Variants in HS3ST3A1 observed in about 807,000 individuals in gnomAD.
HS3ST3A1 encodes heparan sulfate glucosamine 3-O-sulfotransferase 3A1.
A neutral mutation model predicts 25.7 loss-of-function variants in HS3ST3A1; 19 were observed. The observed-to-expected ratio is 0.74, with a 90% CI of 0.52 to 1.08. The LOEUF (loss-of-function observed/expected upper bound fraction) is 1.08. Ranked by LOEUF, HS3ST3A1 falls within the 50% of genes least tolerant of loss-of-function variation. The pLI is 0.00. For missense variants in HS3ST3A1, 459 were observed against 594.3 expected (o/e 0.77, Z 2.37); for synonymous variants, 226 against 278.6 (o/e 0.81, Z 1.88).
In HS3ST3A1 at chr17:13,593,951, G is replaced by A. The variant is rs569134944; in HGVS notation, c.599+6580C>T. Among the ~76,000 whole-genome samples the A allele has an allele frequency of 4.3e-4, 66 of 152,226 alleles. 1 individual carries two copies. The highest frequency in any genetic ancestry group is 1.3e-3 in the African/African-American group (53 of 41,546). Reference sequence around the variant, plus strand: ...CCAGGATCCGACCAAGGGCACCCTCGTGTTTACTTGTTAGTAATGACTCAC... The same window carrying A: ...CCAGGATCCGACCAAGGGCACCCTCATGTTTACTTGTTAGTAATGACTCAC... On this transcript the variant is annotated intron_variant, in intron 1 of 1. Transcript: ENST00000284110.
At chr17:13,582,212 C>T (rs917772730) in intron 1 of HS3ST3A1, among the ~76,000 whole-genome samples, 6 of 151,994 alleles carry the variant, frequency 3.9e-5, no homozygotes, top group African/African-American at 9.7e-5. Context: ...AAATTTTTAG[C>T]GGCCTTGGGG....
At chr17:13,530,787 G>A (rs1212328547) in intron 1 of HS3ST3A1, among the ~76,000 whole-genome samples, 2 of 152,138 alleles carry the variant, frequency 1.3e-5, no homozygotes, top group Admixed American at 1.3e-4. Context: ...TCAGTTTTCT[G>A]TATGTGGCTT....
intron 1 of HS3ST3A1, among the ~76,000 whole-genome samples, chr17:13,580,609 T>C (rs1287072279): frequency 6.6e-6 from 1 of 152,154 alleles, no homozygotes; most frequent in Non-Finnish European, 1.5e-5. Flanking sequence ...ACACACACAG[T>C]GGACCAGGTG....
intron 1 of HS3ST3A1, among the ~76,000 whole-genome samples, chr17:13,595,301 T>G (rs1441939013): frequency 2.0e-5 from 3 of 152,236 alleles, no homozygotes; most frequent in Non-Finnish European, 4.4e-5. Flanking sequence ...GAATATGATC[T>G]CAACAGTGCC....
At chr17:13,566,071 CTG>C (rs1907667988) in intron 1 of HS3ST3A1, among the ~76,000 whole-genome samples, 1 of 152,178 alleles carries the variant, frequency 6.6e-6, no homozygotes, top group African/African-American at 2.4e-5. Context: ...CTCTGGTTTA[CTG>C]TGCATTGCAG....
chr17:13,561,711 C>T (rs1211730701), intron 1 of HS3ST3A1, among the ~76,000 whole-genome samples: 1 of 152,088 alleles, frequency 6.6e-6, no homozygotes, highest in Admixed American at 6.6e-5. Context: ...TTCTTAAATG[C>T]ATTGTCCACA....
chr17:13,533,099 G>T (rs929243955), intron 1 of HS3ST3A1, among the ~76,000 whole-genome samples: 3 of 152,014 alleles, frequency 2.0e-5, no homozygotes, highest in Non-Finnish European at 2.9e-5. Flanking sequence ...GAATTAAATT[G>T]AATAGAATAT....
Position 13,495,818 on chromosome 17 carries a change from G to C in HS3ST3A1, c.*379C>G, listed in dbSNP as rs976901595. On this transcript the variant is annotated 3_prime_UTR_variant, in exon 2 of 2. Transcript: ENST00000284110. Reference sequence around the variant, plus strand: ...AAGAAAAAGTGGCACGGGAAAAAGGGAGAAAAATATAAGGATAGATATCAA... The same window carrying C: ...AAGAAAAAGTGGCACGGGAAAAAGGCAGAAAAATATAAGGATAGATATCAA... 1 of 164,090 alleles carries C rather than the reference G, an allele frequency of 6.1e-6. No individual in the cohort carries two copies. Among genetic ancestry groups the C allele is most frequent in the African/African-American group, 2.4e-5 (1 of 41,782 alleles). The allele number at this position is 164,090 out of a possible 1,614,324, so 10.2% of individuals were successfully genotyped here. A position where few individuals can be genotyped will look rare whatever the true frequency, so the allele number is the denominator to read the frequency against.
intron 1 of HS3ST3A1, among the ~76,000 whole-genome samples, chr17:13,517,040 T>C (rs1291325314): frequency 6.6e-6 from 1 of 152,184 alleles, no homozygotes; most frequent in Non-Finnish European, 1.5e-5. Context: ...AACAGTGAAC[T>C]TACAATAAGT....
chr17:13,563,617 G>A (rs1182366029), intron 1 of HS3ST3A1, among the ~76,000 whole-genome samples: 2 of 152,226 alleles, frequency 1.3e-5, no homozygotes, highest in African/African-American at 4.8e-5. Flanking sequence ...AAATCCAGAG[G>A]TTCTTTTAGC....
intron 1 of HS3ST3A1, among the ~76,000 whole-genome samples, chr17:13,559,070 C>T (rs1202216013): frequency 6.6e-6 from 1 of 152,140 alleles, no homozygotes; most frequent in South Asian, 2.1e-4. Context: ...TAATACCTAC[C>T]TCATGGGGAA....
chr17:13,545,832 G>C (rs780311002), intron 1 of HS3ST3A1, among the ~76,000 whole-genome samples: 1 of 152,024 alleles, frequency 6.6e-6, no homozygotes, highest in Non-Finnish European at 1.5e-5. Context: ...AAAATTAGCC[G>C]GGTGTGGTGG....
At position 13,601,270 on chromosome 17, in the gene HS3ST3A1, C is replaced by T; in HGVS notation, c.-141G>A. ...GCCCCTGTGGCCGTGCGAACTGTCC[C>T]GGGAGGCAGCGGCCGGGGCTCCGCG... On this transcript the variant is annotated 5_prime_UTR_variant, in exon 1 of 2. Transcript: ENST00000284110. 1 of 598,096 alleles carries T rather than the reference C, an allele frequency of 1.7e-6. No homozygotes were observed. The highest frequency in any genetic ancestry group is 2.7e-6 in the Non-Finnish European group (1 of 373,540). 37.0% of individuals were successfully genotyped at this position (598,096 alleles called of 1,614,324 possible). A position where few individuals can be genotyped will look rare whatever the true frequency, so the allele number is the denominator to read the frequency against.
chr17:13,595,854 T>C (rs1215386848), intron 1 of HS3ST3A1, among the ~76,000 whole-genome samples: 1 of 151,250 alleles, frequency 6.6e-6, no homozygotes, highest in Non-Finnish European at 1.5e-5. Context: ...TTGGTTGTTG[T>C]TGTTGTTGTT....
At chr17:13,565,318 A>G (rs1907650493) in intron 1 of HS3ST3A1, among the ~76,000 whole-genome samples, 1 of 151,992 alleles carries the variant, frequency 6.6e-6, no homozygotes, top group Non-Finnish European at 1.5e-5. Context: ...CAGGCAGATC[A>G]CCCAGGAGTT....
At chr17:13,507,552 A>G (rs1905724645) in intron 1 of HS3ST3A1, among the ~76,000 whole-genome samples, 1 of 152,202 alleles carries the variant, frequency 6.6e-6, no homozygotes, top group South Asian at 2.1e-4. Flanking sequence ...CCATCTCTGA[A>G]TGCAAATCAC....
At position 13,495,648 on chromosome 17, in the gene HS3ST3A1, G is replaced by C. The variant is rs1304015440; in HGVS notation, c.*549C>G. On this transcript the variant is annotated 3_prime_UTR_variant, in exon 2 of 2. Transcript: ENST00000284110. Reference sequence around the variant, plus strand: ...ACTCAGTTTTCCTTTCTGTAAAATGGGGATAATAATATTTACCTATTGTGA... The same window carrying C: ...ACTCAGTTTTCCTTTCTGTAAAATGCGGATAATAATATTTACCTATTGTGA... The C allele has an allele frequency of 6.6e-6, 1 of 152,180 alleles. No individual in the cohort carries two copies. The highest frequency in any genetic ancestry group is 1.5e-5 in the Non-Finnish European group (1 of 68,112). The allele number at this position is 152,180 out of a possible 1,614,324, so 9.4% of individuals were successfully genotyped here. A position where few individuals can be genotyped will look rare whatever the true frequency, so the allele number is the denominator to read the frequency against.
chr17:13,522,283 C>T (rs773391084), intron 1 of HS3ST3A1, among the ~76,000 whole-genome samples: 28 of 151,036 alleles, frequency 1.9e-4, no homozygotes, highest in Non-Finnish European at 3.8e-4. Context: ...CTCAGAAAGC[C>T]TATTATTTAT....
intron 1 of HS3ST3A1, among the ~76,000 whole-genome samples, chr17:13,551,066 CAA>C (rs3080921): frequency 2.4e-5 from 3 of 123,938 alleles, no homozygotes; most frequent in Non-Finnish European, 1.6e-5. Flanking sequence ...GACTCTGTCT[CAA>C]AAAAAAAAAA....
Sources: allele counts gnomAD v4.1 joint callset (sites outside exome capture counted in the v4.1 genomes callset), GRCh38; gene constraint gnomAD v4.1.1; transcripts MANE v1.5; gene names NCBI Gene and HGNC (gene_info 2026-07-23, HGNC 2026-07-21).